Variants in ATP8B4 observed in about 807,000 individuals in gnomAD.
The protein encoded by ATP8B4 is probable phospholipid-transporting ATPase IM.
ATP8B4 carries 133 observed loss-of-function variants against 145.6 expected under a neutral mutation model. The observed-to-expected ratio is 0.91, with a 90% confidence interval of 0.79 to 1.05. ATP8B4 has a LOEUF of 1.05. ATP8B4 is among the 50% of genes least tolerant of loss of function. The pLI is 0.00. For missense variants in ATP8B4, 1,458 were observed against 1,425.2 expected (o/e 1.02, Z -0.37); for synonymous variants, 507 against 492.9 (o/e 1.03, Z -0.38).
At chr15:50,040,047 T>C (rs567173189) in intron 5 of ATP8B4, among the ~76,000 whole-genome samples, 7 of 152,316 alleles carry the variant, frequency 4.6e-5, no homozygotes, top group African/African-American at 7.2e-5. Flanking sequence ...TTGATCTGAG[T>C]GCACAATTTG....
chr15:49,929,057 A>G (rs2041004191), intron 16 of ATP8B4, among the ~76,000 whole-genome samples: 1 of 152,118 alleles, frequency 6.6e-6, no homozygotes, highest in Admixed American at 6.5e-5. Flanking sequence ...AGGCCCAGCA[A>G]TCTGTATTGT....
intron 21 of ATP8B4, among the ~76,000 whole-genome samples, chr15:49,899,178 T>C (rs1001000356): frequency 6.6e-6 from 1 of 152,216 alleles, no homozygotes; most frequent in African/African-American, 2.4e-5. Context: ...CATGATTGAA[T>C]GGGCTCTTTC....
At chr15:49,909,451 C>T (rs963864568) in intron 20 of ATP8B4, among the ~76,000 whole-genome samples, 2 of 152,142 alleles carry the variant, frequency 1.3e-5, no homozygotes, top group Admixed American at 6.5e-5. Flanking sequence ...AGCCCAGGGG[C>T]CCAAGGTCCA....
At chr15:49,909,637 G>A (rs1322622532) in intron 20 of ATP8B4, among the ~76,000 whole-genome samples, 1 of 139,108 alleles carries the variant, frequency 7.2e-6, no homozygotes, top group Non-Finnish European at 1.5e-5. Context: ...CTGTCCCCAT[G>A]CCCAATAAAA....
At chr15:50,119,752 C>T (rs1465638989), upstream of ATP8B4, among the ~76,000 whole-genome samples, 10 of 91,594 alleles carry the variant, frequency 1.1e-4, no homozygotes, top group Admixed American at 1.3e-4. Context: ...GTTTTTGTCA[C>T]TTTTTTTTTT....
chr15:49,900,167 T>C (rs1040738053), intron 21 of ATP8B4, among the ~76,000 whole-genome samples: 4 of 152,202 alleles, frequency 2.6e-5, no homozygotes, highest in African/African-American at 4.8e-5. Flanking sequence ...TCAACTGAGT[T>C]TGGCCTGCAG....
chr15:50,044,320 G>A lies in ATP8B4; in HGVS notation c.300+274C>T, dbSNP rs939672847. Among the ~76,000 whole-genome samples the A allele has an allele frequency of 5.9e-5, 9 of 152,156 alleles. No individual in the cohort carries two copies. The South Asian group carries it at 6.2e-4, about 11-fold the overall frequency. ...TTCCAATTCTGCTCTTCCACAAATT[G>A]GTTGTATTATTAGCAAATCACTAGC... On this transcript the variant is annotated intron_variant, in intron 5 of 27. Transcript: ENST00000284509.
chr15:50,162,508 T>G (rs80269451), intron 1 of ATP8B4, among the ~76,000 whole-genome samples: 14 of 91,780 alleles, frequency 1.5e-4, no homozygotes, highest in Non-Finnish European at 3.6e-4. Context: ...TTTATTCTTT[T>G]TTGTTTTTTT....
chr15:49,946,099 T>A (rs556713524), intron 14 of ATP8B4, among the ~76,000 whole-genome samples: 9 of 152,240 alleles, frequency 5.9e-5, no homozygotes, highest in African/African-American at 1.9e-4. Context: ...ATATCCTAGG[T>A]GCACCATTTT....
chr15:49,916,162 T>C (rs2039718661), intron 20 of ATP8B4, among the ~76,000 whole-genome samples: 1 of 152,074 alleles, frequency 6.6e-6, no homozygotes, highest in Non-Finnish European at 1.5e-5. Flanking sequence ...TTTTTTAAGT[T>C]CTAGGAAAAT....
At chr15:50,148,554 C>A (rs995609474) in intron 1 of ATP8B4, among the ~76,000 whole-genome samples, 1 of 152,292 alleles carries the variant, frequency 6.6e-6, no homozygotes. Context: ...CCTTCTGCCA[C>A]GTGAGGACAC....
chr15:50,035,826 C>T (rs1461886993), intron 6 of ATP8B4, among the ~76,000 whole-genome samples: 1 of 152,140 alleles, frequency 6.6e-6, no homozygotes, highest in African/African-American at 2.4e-5. Flanking sequence ...CTGACTATAC[C>T]CTGCCTCCTT....
At chr15:50,083,706 T>C (rs1472909614) in intron 2 of ATP8B4, among the ~76,000 whole-genome samples, 1 of 152,220 alleles carries the variant, frequency 6.6e-6, no homozygotes, top group Non-Finnish European at 1.5e-5. Context: ...TTAAGATGCA[T>C]GAAGCTATAA....
intron 1 of ATP8B4, among the ~76,000 whole-genome samples, chr15:50,147,668 G>A: frequency 6.6e-6 from 1 of 152,100 alleles, no homozygotes; most frequent in South Asian, 2.1e-4. Flanking sequence ...AGCTGATCGG[G>A]ACCTGCCAAA....
intron 8 of ATP8B4, among the ~76,000 whole-genome samples, chr15:49,999,420 A>G (rs1237650989): frequency 6.6e-6 from 1 of 150,896 alleles, no homozygotes; most frequent in Non-Finnish European, 1.5e-5. Flanking sequence ...GCTTTAGGAG[A>G]TATACCTAAT....
intron 27 of ATP8B4, 126 bp from the exon 28 acceptor site, chr15:49,860,601 A>C: frequency 8.5e-7 from 1 of 1,178,372 alleles, no homozygotes; most frequent in Non-Finnish European, 1.2e-6. Context: ...AGGAAGTTTT[A>C]AATCTAAAAA....
At chr15:49,886,934 C>A (rs922006674) in intron 23 of ATP8B4, among the ~76,000 whole-genome samples, 1 of 152,028 alleles carries the variant, frequency 6.6e-6, no homozygotes, top group East Asian at 1.9e-4. Flanking sequence ...CTCAGCCTCC[C>A]GAGTAGCTGG....
intron 23 of ATP8B4, among the ~76,000 whole-genome samples, chr15:49,889,881 A>T (rs1320090686): frequency 6.6e-6 from 1 of 152,236 alleles, no homozygotes; most frequent in Non-Finnish European, 1.5e-5. Context: ...TGAAGAAAGG[A>T]TTACTTCCAA....
At chr15:50,174,925 T>C (rs1005482940) in intron 1 of ATP8B4, among the ~76,000 whole-genome samples, 1 of 152,172 alleles carries the variant, frequency 6.6e-6, no homozygotes, top group African/African-American at 2.4e-5. Context: ...CAAAACAGCA[T>C]GGTACTGGTA....
Sources: gnomAD v4.1 joint callset for allele counts (sites outside exome capture counted in the v4.1 genomes callset) on GRCh38, gnomAD v4.1.1 for gene constraint, MANE v1.5 for transcripts, NCBI Gene and HGNC (gene_info 2026-07-23, HGNC 2026-07-21) for gene names.